Variants in ERAP1 observed in about 807,000 individuals in gnomAD.
ERAP1 encodes adipocyte-derived leucine aminopeptidase.
ERAP1 carries 86 observed loss-of-function variants against 103.7 expected under a neutral mutation model. The ratio of observed to expected loss-of-function variants is 0.83; its 90% CI spans 0.70 to 0.99. The LOEUF (loss-of-function observed/expected upper bound fraction) is 0.99, where lower values mean the gene tolerates loss of function less well. Ranked by LOEUF, ERAP1 falls within the 50% of genes least tolerant of loss-of-function variation. The pLI is 0.00. For synonymous variants in ERAP1, 398 were observed against 402.4 expected (o/e 0.99, Z 0.13); for missense variants, 1,009 against 1,128.4 (o/e 0.89, Z 1.52).
chr5:96,857,614 C>T, the ERAP1 span, among the ~76,000 whole-genome samples: 4 of 152,124 alleles, frequency 2.6e-5, no homozygotes, highest in African/African-American at 7.2e-5. Context: ...AGTGACTTTC[C>T]GAAGGTTACA....
downstream of ERAP1, chr5:96,769,599 C>A (rs1235070400): frequency 6.6e-6 from 1 of 152,074 alleles, no homozygotes; most frequent in African/African-American, 2.4e-5. Flanking sequence ...GTGACAAAAG[C>A]AGCTAAAATC....
the ERAP1 span, chr5:96,848,806 TG>T: frequency 6.6e-6 from 1 of 150,614 alleles, no homozygotes; most frequent in Non-Finnish European, 1.5e-5. Context: ...ACCCTGATAT[TG>T]AAGCCAGACA....
the ERAP1 span, among the ~76,000 whole-genome samples, chr5:96,868,853 T>C: frequency 6.6e-6 from 1 of 152,100 alleles, no homozygotes; most frequent in Non-Finnish European, 1.5e-5. Context: ...AGCATTCAAA[T>C]TAGATTTAGT....
chr5:96,910,179 T>G, the ERAP1 span: 1 of 160,780 alleles, frequency 6.2e-6, no homozygotes, highest in Non-Finnish European at 1.4e-5. Context: ...GTGGGAGAAT[T>G]GCTTGAACCT....
At chr5:96,846,216 G>A in the ERAP1 span, among the ~76,000 whole-genome samples, 2 of 152,080 alleles carry the variant, frequency 1.3e-5, no homozygotes, top group African/African-American at 4.8e-5. Flanking sequence ...TATAAACAGA[G>A]GCCCATGATC....
Position 96,776,560 on chromosome 5 carries a change from G to A in ERAP1, c.2671-9C>T, listed in dbSNP as rs200371329. ...CTGAAGAATCCTTTTACCTTGTGAG[G>A]AAAAAGTGGGTTTTAAAAAATTAAT... On this transcript the variant is annotated splice_polypyrimidine_tract_variant and intron_variant, in intron 18 of 18. Transcript: ENST00000443439. The A allele has an allele frequency of 1.4e-3, 2,294 of 1,612,782 alleles. 4 individuals carry two copies. The highest frequency in any genetic ancestry group is 1.6e-3 in the Non-Finnish European group (1,909 of 1,179,696).
the ERAP1 span, chr5:96,873,475 T>C: frequency 0.023 from 10,266 of 454,518 alleles, 186 homozygotes; most frequent in Non-Finnish European, 0.035. Context: ...AAAGGAAGCA[T>C]GTGTTACTTC....
the ERAP1 span, chr5:96,884,025 A>T: frequency 2.2e-5 from 27 of 1,205,328 alleles, no homozygotes; most frequent in Non-Finnish European, 2.9e-5. Flanking sequence ...TTCAGCCATT[A>T]ATTTGTTTTT....
chr5:96,897,823 T>A, the ERAP1 span, among the ~76,000 whole-genome samples: 1 of 152,144 alleles, frequency 6.6e-6, no homozygotes, highest in Non-Finnish European at 1.5e-5. Context: ...ACAGAAGAGA[T>A]CCTTTCTTTT....
the ERAP1 span, among the ~76,000 whole-genome samples, chr5:96,910,525 G>A: frequency 6.6e-6 from 1 of 150,908 alleles, no homozygotes; most frequent in African/African-American, 2.4e-5. Flanking sequence ...TCAATGGGTT[G>A]TATGAGTGAA....
the ERAP1 span, among the ~76,000 whole-genome samples, chr5:96,832,380 G>A: frequency 1.3e-5 from 2 of 152,158 alleles, no homozygotes; most frequent in African/African-American, 2.4e-5. Context: ...AAATCAATGG[G>A]TAGAATAGAA....
chr5:96,899,760 A>G, the ERAP1 span, among the ~76,000 whole-genome samples: 1 of 152,216 alleles, frequency 6.6e-6, no homozygotes, highest in Non-Finnish European at 1.5e-5. Context: ...CCTACATGCT[A>G]AATAGGGGCA....
the ERAP1 span, among the ~76,000 whole-genome samples, chr5:96,878,857 G>T: frequency 3.3e-5 from 5 of 152,158 alleles, no homozygotes; most frequent in South Asian, 2.1e-4. Context: ...GAACCCCAGA[G>T]GCAGAGGTTG....
rs376943966 is a variant in ERAP1, at chr5:96,765,379, T to A, written c.2819-2151A>T. On this transcript the variant is annotated intron_variant, in intron 19 of 19. Coordinates refer to the ERAP1 transcript ENST00000296754. Reference sequence around the variant, plus strand: ...TTCACTAATAGTGAAATTTTAATCCTTGGGTCTTGACTCTGTCATTGTCAT... The same window carrying A: ...TTCACTAATAGTGAAATTTTAATCCATGGGTCTTGACTCTGTCATTGTCAT... 1.3e-4 allele frequency: 114 copies of A among 861,720 alleles called. 1 individual carries two copies. Among genetic ancestry groups the A allele is most frequent in the East Asian group, 1.2e-3 (46 of 37,952 alleles). The allele number at this position is 861,720 out of a possible 1,614,324, so 53.4% of individuals were successfully genotyped here. A position where few individuals can be genotyped will look rare whatever the true frequency, so the allele number is the denominator to read the frequency against.
chr5:96,888,103 G>A, the ERAP1 span, among the ~76,000 whole-genome samples: 4 of 143,812 alleles, frequency 2.8e-5, no homozygotes, highest in Admixed American at 2.9e-4. Context: ...CAGCCTGGGT[G>A]ACAAGAGTGA....
At chr5:96,786,991 A>C (rs1776096137) in intron 11 of ERAP1, among the ~76,000 whole-genome samples, 1 of 152,180 alleles carries the variant, frequency 6.6e-6, no homozygotes, top group Admixed American at 6.5e-5. Context: ...ACTGGCCAGT[A>C]CTCTTCAAAA....
At chr5:96,881,412 A>G in the ERAP1 span, 2 of 456,056 alleles carry the variant, frequency 4.4e-6, no homozygotes, top group Non-Finnish European at 8.8e-6. Context: ...AGGTGAGGGA[A>G]ATAGAAGAAT....
the ERAP1 span, among the ~76,000 whole-genome samples, chr5:96,849,065 A>G: frequency 6.6e-6 from 1 of 152,212 alleles, no homozygotes; most frequent in South Asian, 2.1e-4. Flanking sequence ...AGCATTTGAC[A>G]AAATTCAACA....
the ERAP1 span, among the ~76,000 whole-genome samples, chr5:96,856,750 A>C: frequency 6.6e-6 from 1 of 152,128 alleles, no homozygotes; most frequent in Non-Finnish European, 1.5e-5. Context: ...CATAGTTGTC[A>C]CTGGGTCTCT....
Sources: gnomAD v4.1 joint callset for allele counts (sites outside exome capture counted in the v4.1 genomes callset) on GRCh38, gnomAD v4.1.1 for gene constraint, MANE v1.5 for transcripts, NCBI Gene and HGNC (gene_info 2026-07-23, HGNC 2026-07-21) for gene names.